DACH2: variants seen among roughly 807,000 people sequenced by gnomAD.
DACH2 encodes dachshund family transcription factor 2.
DACH2 carries 17 observed loss-of-function variants against 35.8 expected under a neutral mutation model. That is an observed-to-expected ratio of 0.48 (90% CI 0.33 to 0.71). The LOEUF is 0.71. DACH2 is among the 30% of genes least tolerant of loss of function. The pLI is 0.02. For synonymous variants in DACH2, 195 were observed against 177.3 expected (o/e 1.10, Z -0.79); for missense variants, 469 against 472.7 (o/e 0.99, Z 0.07).
intron 3 of DACH2, among the ~76,000 whole-genome samples, chrX:86,575,967 G>A: frequency 8.9e-6 from 1 of 112,163 alleles, no homozygotes; most frequent in African/African-American, 3.2e-5. Context: ...TGCATGTGCA[G>A]ATGCACAGTG....
chrX:86,291,224 T>C (rs1329455289), intron 1 of DACH2, among the ~76,000 whole-genome samples: 1 of 108,974 alleles, frequency 9.2e-6, no homozygotes, highest in African/African-American at 3.4e-5. Flanking sequence ...GGCTGTCTGT[T>C]TGTCTGTTGT....
At chrX:86,584,019 T>A (rs2039536938) in intron 3 of DACH2, among the ~76,000 whole-genome samples, 1 of 111,270 alleles carries the variant, frequency 9.0e-6, no homozygotes, top group Non-Finnish European at 1.9e-5. Context: ...CTTATTTAAA[T>A]GTTGAATATT....
chrX:86,799,240 C>T, intron 7 of DACH2: 1 of 192,617 alleles, frequency 5.2e-6, no homozygotes, highest in Non-Finnish European at 1.0e-5. Context: ...CCCAGCCTGT[C>T]TTGTGGCCAC....
At position 86,714,705 on chromosome X, in the gene DACH2, T is replaced by C. The variant is rs772892123; in HGVS notation, c.1089T>C (p.Gly363=). Residue 363 remains glycine, a synonymous_variant, in exon 6 of 12, where the codon GGT becomes GGC. Coordinates refer to ENST00000373125, the MANE Select transcript of DACH2 (RefSeq NM_053281.3). ...TTCACAGTCCACTCTCCAGAGCTGG[T>C]ACCTCTGTTATAAAGGTAAGAATCG... ...AQIHSPLSRA[G]TSVIKERIPE... is the part of the protein sequence containing the mutation. The C allele has an allele frequency of 5.1e-6, 6 of 1,174,866 alleles. No homozygotes were observed. The African/African-American group carries it at 8.8e-5, about 17-fold the overall frequency.
rs112489293 is a variant in DACH2, at chrX:86,641,521, A to C, written c.641-9515A>C. Among the ~76,000 whole-genome samples the C allele has an allele frequency of 3.9e-3, 442 of 112,379 alleles. 2 individuals are homozygous for C. The highest frequency in any genetic ancestry group is 0.014 in the African/African-American group (421 of 30,987). ...GGAAGGGGAGAAGCAAACAACTTGG[A>C]ATATATATTTCAGAAGATTGTTCAT... On this transcript the variant is annotated intron_variant, in intron 3 of 11. Transcript: ENST00000373125.
chrX:86,700,807 T>C (rs764288564), intron 5 of DACH2, among the ~76,000 whole-genome samples: 6 of 110,591 alleles, frequency 5.4e-5, no homozygotes, highest in Non-Finnish European at 1.1e-4. Context: ...AAAAAAGAAA[T>C]GGGATATCTG....
intron 2 of DACH2, among the ~76,000 whole-genome samples, chrX:86,497,353 A>G (rs995563775): frequency 8.9e-6 from 1 of 112,016 alleles, no homozygotes; most frequent in Non-Finnish European, 1.9e-5. Context: ...GACTTTAGAT[A>G]TAGAGTATGC....
intron 4 of DACH2, among the ~76,000 whole-genome samples, chrX:86,689,229 G>A (rs753796258): frequency 5.5e-5 from 6 of 109,251 alleles, no homozygotes; most frequent in Non-Finnish European, 7.6e-5. Context: ...TGATGTCACC[G>A]GTCTGATAAA....
intron 2 of DACH2, among the ~76,000 whole-genome samples, chrX:86,458,185 C>A (rs761772868): frequency 1.1e-4 from 12 of 111,687 alleles, no homozygotes; most frequent in Non-Finnish European, 2.3e-4. Flanking sequence ...ATCTCTTTTA[C>A]TTCTAGGAAA....
At chrX:86,506,325 C>A (rs2038322837) in intron 2 of DACH2, among the ~76,000 whole-genome samples, 1 of 111,890 alleles carries the variant, frequency 8.9e-6, no homozygotes, top group Non-Finnish European at 1.9e-5. Context: ...CATTTGCATT[C>A]CTTGTTGTGG....
chrX:86,527,420 G>T (rs1022578161), intron 3 of DACH2, among the ~76,000 whole-genome samples: 2 of 111,511 alleles, frequency 1.8e-5, no homozygotes, highest in African/African-American at 6.5e-5. Flanking sequence ...GTATTTTCTA[G>T]CATTTTATAT....
At chrX:86,166,748 A>T (rs2030957504) in intron 1 of DACH2, among the ~76,000 whole-genome samples, 1 of 111,211 alleles carries the variant, frequency 9.0e-6, no homozygotes, top group Non-Finnish European at 1.9e-5. Context: ...TTCTATCCCC[A>T]GTTTTTTGAG....
chrX:86,478,857 G>T (rs772514496), intron 2 of DACH2, among the ~76,000 whole-genome samples: 1 of 111,028 alleles, frequency 9.0e-6, no homozygotes, highest in Non-Finnish European at 1.9e-5. Context: ...TTAGCCATCC[G>T]CAGGCAGCTT....
At chrX:86,216,805 A>G (rs2032582326) in intron 1 of DACH2, among the ~76,000 whole-genome samples, 2 of 111,673 alleles carry the variant, frequency 1.8e-5, no homozygotes, top group Non-Finnish European at 3.8e-5. Context: ...CATTGAAAAC[A>G]AACAGGAGGC....
chrX:86,325,266 C>T (rs1312864388), intron 1 of DACH2, among the ~76,000 whole-genome samples: 1 of 111,805 alleles, frequency 8.9e-6, no homozygotes, highest in Admixed American at 9.5e-5. Context: ...TGTCAGTATA[C>T]ACTTGCCAGC....
At chrX:86,423,521 AT>A (rs202030008) in intron 2 of DACH2, among the ~76,000 whole-genome samples, 10,403 of 103,263 alleles carry the variant, frequency 0.1, 652 homozygotes, top group Admixed American at 0.29. Context: ...AGATAATTAG[AT>A]TTTTTTTTTT....
chrX:86,247,493 C>CT (rs1302000183), intron 1 of DACH2, among the ~76,000 whole-genome samples: 3 of 111,573 alleles, frequency 2.7e-5, no homozygotes, highest in Non-Finnish European at 5.7e-5. Context: ...TTACAAATAC[C>CT]TTTATGCATA....
At chrX:86,205,869 A>C (rs981819178) in intron 1 of DACH2, among the ~76,000 whole-genome samples, 1 of 110,561 alleles carries the variant, frequency 9.0e-6, no homozygotes, top group African/African-American at 3.3e-5. Context: ...TCCCAGCCTA[A>C]GATGTGGTTT....
At chrX:86,459,702 G>A (rs1473218235) in intron 2 of DACH2, among the ~76,000 whole-genome samples, 1 of 111,309 alleles carries the variant, frequency 9.0e-6, no homozygotes, top group East Asian at 2.8e-4. Context: ...GGTTAGCATG[G>A]CAATAATTTT....
Sources: allele counts gnomAD v4.1 joint callset (sites outside exome capture counted in the v4.1 genomes callset), GRCh38; gene constraint gnomAD v4.1.1; transcripts MANE v1.5; gene names NCBI Gene and HGNC (gene_info 2026-07-23, HGNC 2026-07-21).